The following IL7 variants were observed in gnomAD, a reference collection of about 807,000 sequenced individuals.
The protein encoded by IL7 is interleukin 7, also known as interleukin-7.
A neutral mutation model predicts 21.6 loss-of-function variants in IL7; 3 were observed. The observed-to-expected ratio is 0.14, with a 90% CI of 0.06 to 0.36. The LOEUF (loss-of-function observed/expected upper bound fraction) is 0.36, where lower values mean the gene tolerates loss of function less well. Among genes scored for constraint, IL7 ranks in the 10% least tolerant of loss-of-function variants. The pLI, the probability that IL7 is intolerant of heterozygous loss-of-function variation, is 1.00. For synonymous variants in IL7, 62 were observed against 68.1 expected, an observed-to-expected ratio of 0.91 and a Z score of 0.44; for missense variants, 175 against 200.2, an observed-to-expected ratio of 0.87 and a Z score of 0.76.
chr8:78,761,574 C>T, intron 2 of IL7: 1 of 1,611,850 alleles, frequency 6.2e-7, no homozygotes, highest in Non-Finnish European at 8.5e-7. Flanking sequence ...TTATGAGATT[C>T]ATCAACAAAC....
intron 3 of IL7, among the ~76,000 whole-genome samples, chr8:78,708,672 C>CTTTTTTTTTTTTTTTTTTTTTTTTTTT (rs66697724): frequency 7.0e-6 from 1 of 142,574 alleles, no homozygotes. Context: ...AGATGATTAT[C>CTTTTTTTTTTTTTTTTTTTTTTTTTTT]TTTTTTTTTT....
chr8:78,726,745 G>C (rs1216541088), intron 3 of IL7, among the ~76,000 whole-genome samples: 2 of 151,848 alleles, frequency 1.3e-5, no homozygotes, highest in Admixed American at 6.6e-5. Flanking sequence ...TTCCTTAATA[G>C]TGCACTCCAG....
chr8:78,695,974 T>G (rs150931599), intron 3 of IL7, among the ~76,000 whole-genome samples: 2 of 152,334 alleles, frequency 1.3e-5, no homozygotes, highest in East Asian at 3.9e-4. Flanking sequence ...TCTTAAATTT[T>G]ATATTGATTA....
At chr8:78,748,464 T>C (rs953265654) in intron 2 of IL7, among the ~76,000 whole-genome samples, 3 of 152,212 alleles carry the variant, frequency 2.0e-5, no homozygotes, top group African/African-American at 7.2e-5. Flanking sequence ...GGATCATTCT[T>C]GAGTTGTCTG....
chr8:78,792,779 C>T (rs937586022), intron 2 of IL7, among the ~76,000 whole-genome samples: 2 of 151,974 alleles, frequency 1.3e-5, no homozygotes, highest in Non-Finnish European at 2.9e-5. Flanking sequence ...TAGATGATAA[C>T]AAGCTTTGGT....
At chr8:78,680,105 A>G (rs1364506371) in intron 4 of IL7, among the ~76,000 whole-genome samples, 1 of 152,144 alleles carries the variant, frequency 6.6e-6, no homozygotes, top group East Asian at 1.9e-4. Context: ...TGATAGTAGT[A>G]GTATTTATCT....
At position 78,760,296 on chromosome 8, in the gene IL7, G is replaced by A. The variant is rs1167784447; in HGVS notation, c.148-20214C>T. ...GTTACTTGACCTTTGGTCTGTCAAA[G>A]TGTTCCTCAAATATGCTTTAAGACG... is the stretch of plus-strand genomic sequence containing the variant. On this transcript the variant is annotated intron_variant, in intron 2 of 5. Coordinates refer to ENST00000263851, the MANE Select transcript of IL7 (RefSeq NM_000880.4). 3.1e-6 allele frequency: 5 copies of A among 1,606,920 alleles called. No homozygotes were observed. In the East Asian group the frequency reaches 6.7e-5, roughly 22 times the overall value.
chr8:78,741,366 G>A (rs1811772951), intron 2 of IL7, among the ~76,000 whole-genome samples: 1 of 151,988 alleles, frequency 6.6e-6, no homozygotes, highest in Non-Finnish European at 1.5e-5. Context: ...TTTTCATGTT[G>A]ACTTCCCCAT....
At chr8:78,798,037 C>A in intron 2 of IL7, 35 bp downstream of exon 2, 1 of 1,545,548 alleles carries the variant, frequency 6.5e-7, no homozygotes, top group Non-Finnish European at 8.8e-7. Flanking sequence ...TTTCCCAATG[C>A]ATGAAAATGT....
chr8:78,783,198 T>C (rs1426843498), intron 2 of IL7, among the ~76,000 whole-genome samples: 1 of 152,190 alleles, frequency 6.6e-6, no homozygotes, highest in Non-Finnish European at 1.5e-5. Flanking sequence ...TGAGAGAATA[T>C]GCACTGCTCT....
At chr8:78,710,481 G>T (rs1289602885) in intron 3 of IL7, among the ~76,000 whole-genome samples, 1 of 151,888 alleles carries the variant, frequency 6.6e-6, no homozygotes, top group Admixed American at 6.6e-5. Flanking sequence ...TTCTTGAACT[G>T]AACTTTGTTG....
intron 2 of IL7, among the ~76,000 whole-genome samples, chr8:78,762,847 T>G (rs1383504614): frequency 1.3e-5 from 2 of 152,190 alleles, no homozygotes; most frequent in Admixed American, 1.3e-4. Flanking sequence ...ATATTTCTCA[T>G]GTCCTTACCT....
At chr8:78,713,319 A>C (rs1811005111), downstream of IL7, among the ~76,000 whole-genome samples, 1 of 152,086 alleles carries the variant, frequency 6.6e-6, no homozygotes, top group African/African-American at 2.4e-5. Context: ...GGTAGCTATT[A>C]ATGATGATAA....
intron 3 of IL7, among the ~76,000 whole-genome samples, chr8:78,689,684 G>T (rs181852599): frequency 6.6e-6 from 1 of 151,654 alleles, no homozygotes; most frequent in Non-Finnish European, 1.5e-5. Flanking sequence ...TTAGATTATC[G>T]AGTGAAAGAC....
At chr8:78,722,509 T>C (rs1037977900) in intron 3 of IL7, among the ~76,000 whole-genome samples, 7 of 152,000 alleles carry the variant, frequency 4.6e-5, no homozygotes, top group Non-Finnish European at 1.0e-4. Flanking sequence ...AAGCATGTCT[T>C]TGGTATAGAA....
intron 2 of IL7, chr8:78,746,988 C>T (rs1391220129): frequency 4.4e-6 from 2 of 455,486 alleles, no homozygotes; most frequent in South Asian, 1.6e-5. Flanking sequence ...TTCACAGTTA[C>T]TCTTCATGGT....
intron 3 of IL7, among the ~76,000 whole-genome samples, chr8:78,699,161 G>T (rs976459185): frequency 4.6e-5 from 7 of 152,150 alleles, no homozygotes; most frequent in Non-Finnish European, 7.4e-5. Flanking sequence ...TGAACTCCAT[G>T]TGTAGTATGA....
chr8:78,738,454 G>C, intron 4 of IL7, 50 bp downstream of exon 4: 1 of 1,493,162 alleles, frequency 6.7e-7, no homozygotes, highest in Non-Finnish European at 9.2e-7. Context: ...TGGTATCTTG[G>C]CACAGGAGTA....
chr8:78,739,889 T>A, intron 3 of IL7, 113 bp downstream of exon 3: 1 of 923,722 alleles, frequency 1.1e-6, no homozygotes, highest in Non-Finnish European at 1.5e-6. Context: ...GGGAATTATG[T>A]GATCAGGCTG....
Sources: allele counts gnomAD v4.1 joint callset (sites outside exome capture counted in the v4.1 genomes callset), GRCh38; gene constraint gnomAD v4.1.1; transcripts MANE v1.5; gene names NCBI Gene and HGNC (gene_info 2026-07-23, HGNC 2026-07-21).